Variants in PDE4B observed in about 807,000 individuals in gnomAD.
PDE4B encodes the protein 3',5'-cyclic-AMP phosphodiesterase 4B.
Under a neutral mutation model 82.2 loss-of-function variants are expected in PDE4B, and 20 were observed. The ratio of observed to expected loss-of-function variants is 0.24; its 90% CI spans 0.17 to 0.35. The LOEUF is 0.35. PDE4B is among the 10% of genes least tolerant of loss of function. The pLI, the probability that PDE4B is intolerant of heterozygous loss-of-function variation, is 1.00. For missense variants in PDE4B, 655 were observed against 907.2 expected, an observed-to-expected ratio of 0.72 and a Z score of 3.57; for synonymous variants, 320 against 318.9, an observed-to-expected ratio of 1.00 and a Z score of -0.04.
intron 3 of PDE4B, among the ~76,000 whole-genome samples, chr1:66,190,651 A>G (rs1647701684): frequency 6.6e-6 from 1 of 152,114 alleles, no homozygotes; most frequent in African/African-American, 2.4e-5. Context: ...CGTGGGATAT[A>G]ATCTCCTGGT....
chr1:66,037,932 A>G (rs767212204), intron 3 of PDE4B, among the ~76,000 whole-genome samples: 1 of 152,192 alleles, frequency 6.6e-6, no homozygotes, highest in East Asian at 1.9e-4. Context: ...TTTAAATTGT[A>G]TGATAAATTA....
intron 3 of PDE4B, among the ~76,000 whole-genome samples, chr1:66,159,102 C>T (rs1164062637): frequency 6.6e-6 from 1 of 152,018 alleles, no homozygotes; most frequent in Non-Finnish European, 1.5e-5. Flanking sequence ...AAGTTATCAC[C>T]ACAAAGAATG....
At chr1:65,936,811 A>T (rs977353602) in intron 3 of PDE4B, among the ~76,000 whole-genome samples, 3 of 152,206 alleles carry the variant, frequency 2.0e-5, no homozygotes, top group Non-Finnish European at 2.9e-5. Context: ...TTTCAGCCAA[A>T]GGCAGGCATG....
At chr1:66,108,233 C>A (rs1329643471) in intron 3 of PDE4B, among the ~76,000 whole-genome samples, 3 of 151,930 alleles carry the variant, frequency 2.0e-5, no homozygotes, top group Non-Finnish European at 4.4e-5. Flanking sequence ...ACCTGCCCAC[C>A]CCAGTCCCTG....
intron 7 of PDE4B, among the ~76,000 whole-genome samples, chr1:66,319,718 A>G (rs1659268625): frequency 6.6e-6 from 1 of 152,216 alleles, no homozygotes; most frequent in African/African-American, 2.4e-5. Flanking sequence ...CTATAAAATA[A>G]AGACAATAAT....
intron 3 of PDE4B, chr1:65,992,701 C>A: frequency 1.5e-6 from 2 of 1,307,190 alleles, no homozygotes; most frequent in South Asian, 2.1e-5. Context: ...GCAAAGCCAG[C>A]CTGATAAAGC....
rs1284637121 is a variant in PDE4B at position 66,374,133 on chromosome 1, T to C, written c.*1455T>C. ...AAACACTACATTTGCTCACAGATGA[T>C]TCTTCTGAATGCTCCCGAACTACTG... On this transcript the variant is annotated 3_prime_UTR_variant, in exon 17 of 17. Transcript: ENST00000341517. 1 of 152,644 alleles carries C rather than the reference T, an allele frequency of 6.6e-6. No individual in the cohort carries two copies. The highest frequency in any genetic ancestry group is 1.5e-5 in the Non-Finnish European group (1 of 68,040). 9.5% of individuals were successfully genotyped at this position (152,644 alleles called of 1,614,324 possible). A position where few individuals can be genotyped will look rare whatever the true frequency, so the allele number is the denominator to read the frequency against.
At chr1:65,926,488 A>G (rs1007706975) in intron 3 of PDE4B, among the ~76,000 whole-genome samples, 1 of 152,060 alleles carries the variant, frequency 6.6e-6, no homozygotes, top group Non-Finnish European at 1.5e-5. Context: ...ACTGGGACCT[A>G]TTTCTTTGAC....
intron 1 of PDE4B, among the ~76,000 whole-genome samples, chr1:65,892,116 G>T (rs2100389098): frequency 6.6e-6 from 1 of 152,176 alleles, no homozygotes; most frequent in South Asian, 2.1e-4. Context: ...CAAAGCCATA[G>T]ATTACAGAAT....
At chr1:66,240,030 G>T (rs768509827) in intron 3 of PDE4B, among the ~76,000 whole-genome samples, 69 of 152,220 alleles carry the variant, frequency 4.5e-4, no homozygotes, top group Admixed American at 1.0e-3. Flanking sequence ...CCTCTCCTTT[G>T]GGCTTAGAGC....
intron 1 of PDE4B, among the ~76,000 whole-genome samples, chr1:65,854,083 A>G (rs1275873301): frequency 6.6e-6 from 1 of 151,820 alleles, no homozygotes; most frequent in Non-Finnish European, 1.5e-5. Flanking sequence ...TATGCTTATC[A>G]TGTTTACCTT....
chr1:65,909,289 C>G (rs550497651), intron 1 of PDE4B, among the ~76,000 whole-genome samples: 3 of 152,140 alleles, frequency 2.0e-5, no homozygotes, highest in African/African-American at 7.2e-5. Flanking sequence ...CAAAATATTA[C>G]TTTTGTTTTT....
At chr1:65,984,931 TTTTAAA>T (rs761757345) in intron 3 of PDE4B, among the ~76,000 whole-genome samples, 272 of 152,272 alleles carry the variant, frequency 1.8e-3, no homozygotes, top group Non-Finnish European at 1.8e-3. Flanking sequence ...CTAAATTTAA[TTTTAAA>T]TTTAAATTTA....
At chr1:66,131,439 G>A (rs1333115404) in intron 3 of PDE4B, among the ~76,000 whole-genome samples, 1 of 150,170 alleles carries the variant, frequency 6.7e-6, no homozygotes, top group Non-Finnish European at 1.5e-5. Context: ...ACGTATTAAT[G>A]ACATTGAAAA....
chr1:66,129,697 C>A (rs112772800), intron 3 of PDE4B, among the ~76,000 whole-genome samples: 52 of 130,472 alleles, frequency 4.0e-4, no homozygotes, highest in African/African-American at 1.1e-3. Context: ...AACAAAAAAA[C>A]AAAAAAAAAA....
At chr1:65,860,357 C>A (rs1646440222) in intron 1 of PDE4B, among the ~76,000 whole-genome samples, 1 of 152,094 alleles carries the variant, frequency 6.6e-6, no homozygotes, top group Non-Finnish European at 1.5e-5. Flanking sequence ...TTGATCATGC[C>A]CTTGCAAAGG....
At chr1:66,221,704 C>A (rs1651003301) in intron 3 of PDE4B, among the ~76,000 whole-genome samples, 1 of 152,156 alleles carries the variant, frequency 6.6e-6, no homozygotes, top group Non-Finnish European at 1.5e-5. Flanking sequence ...CTTTGATACA[C>A]AAACAGATAA....
At chr1:66,365,143 A>C (rs905402741) in intron 12 of PDE4B, among the ~76,000 whole-genome samples, 1 of 152,230 alleles carries the variant, frequency 6.6e-6, no homozygotes, top group African/African-American at 2.4e-5. Context: ...ATTAGTGGGT[A>C]CGTACTGAAT....
Position 66,247,634 on chromosome 1 carries a change from C to T in PDE4B, c.456C>T (p.Asn152=). The change falls in exon 4 of 17, where the codon AAC becomes AAT. Residue 152 remains asparagine (N), a synonymous_variant. Coordinates refer to ENST00000341517, the MANE Select transcript of PDE4B (RefSeq NM_002600.4). The stretch of plus-strand genomic sequence containing the variant: ...TGTCACCAAAGGCGATGTCGAGAAA[C>T]TCTTCTCTTCCAAGCGAGCAGTAAG... The part of the protein sequence containing the change: ...YDLSPKAMSR[N]SSLPSEQHGD... The T allele has an allele frequency of 6.3e-7, 1 of 1,592,594 alleles. No homozygotes were observed. Among genetic ancestry groups the T allele is most frequent in the Non-Finnish European group, 8.6e-7 (1 of 1,168,952 alleles).
Sources: gnomAD v4.1 joint callset for allele counts (sites outside exome capture counted in the v4.1 genomes callset) on GRCh38, gnomAD v4.1.1 for gene constraint, MANE v1.5 for transcripts, NCBI Gene and HGNC (gene_info 2026-07-23, HGNC 2026-07-21) for gene names.